Variants in SUCLG2 observed in about 807,000 individuals in gnomAD.
SUCLG2 encodes succinate--CoA ligase [GDP-forming] subunit beta, mitochondrial.
In SUCLG2, 42 loss-of-function variants were observed where a neutral mutation model predicts 47.9. The observed-to-expected ratio is 0.88, with a 90% CI of 0.69 to 1.14. The LOEUF is 1.14. Among genes scored for constraint, SUCLG2 ranks in the 50% most tolerant of loss-of-function variants. The pLI, the probability that SUCLG2 is intolerant of heterozygous loss-of-function variation, is 0.00. For synonymous variants in SUCLG2, 195 were observed against 197.3 expected, an observed-to-expected ratio of 0.99 and a Z score of 0.10; for missense variants, 571 against 525.9, an observed-to-expected ratio of 1.09 and a Z score of -0.84.
At chr3:67,487,732 T>A (rs1342547568) in intron 9 of SUCLG2, among the ~76,000 whole-genome samples, 2 of 152,216 alleles carry the variant, frequency 1.3e-5, no homozygotes, top group African/African-American at 4.8e-5. Context: ...AACTCACTGA[T>A]GTTAGCCCTC....
chr3:67,495,176 T>C (rs562550923), intron 9 of SUCLG2, among the ~76,000 whole-genome samples: 3 of 152,210 alleles, frequency 2.0e-5, no homozygotes, highest in Non-Finnish European at 4.4e-5. Context: ...CATGTAAGCA[T>C]AGGACCAGTC....
chr3:67,507,133 C>G (rs755921275), intron 7 of SUCLG2, among the ~76,000 whole-genome samples: 1 of 152,132 alleles, frequency 6.6e-6, no homozygotes, highest in Non-Finnish European at 1.5e-5. Context: ...CATATAAGCT[C>G]AAGAAACAGC....
At chr3:67,642,452 A>G (rs78404803) in intron 1 of SUCLG2, among the ~76,000 whole-genome samples, 1,783 of 152,212 alleles carry the variant, frequency 0.012, 39 homozygotes, top group African/African-American at 0.04. Context: ...AAAATTTAAA[A>G]AAAAAAAATT....
chr3:67,377,165 G>A (rs751804278), intron 10 of SUCLG2, among the ~76,000 whole-genome samples: 33 of 152,238 alleles, frequency 2.2e-4, no homozygotes, highest in Non-Finnish European at 4.3e-4. Context: ...CTGAGGCACA[G>A]AGAAGTTAAA....
intron 1 of SUCLG2, among the ~76,000 whole-genome samples, chr3:67,610,941 T>C (rs1216695448): frequency 6.6e-6 from 1 of 152,220 alleles, no homozygotes; most frequent in African/African-American, 2.4e-5. Context: ...GGGTAGAAAG[T>C]GTGCCTTAAA....
At chr3:67,552,862 T>C (rs1357897942) in intron 2 of SUCLG2, among the ~76,000 whole-genome samples, 1 of 152,242 alleles carries the variant, frequency 6.6e-6, no homozygotes, top group Non-Finnish European at 1.5e-5. Context: ...CCAAATCATT[T>C]GTAAGCTATT....
intron 2 of SUCLG2, among the ~76,000 whole-genome samples, chr3:67,597,874 G>A (rs1272395680): frequency 2.0e-5 from 3 of 151,956 alleles, no homozygotes; most frequent in Non-Finnish European, 4.4e-5. Flanking sequence ...GGAGGCAGAG[G>A]TTGCAGTCAG....
chr3:67,440,850 C>T (rs999352352), intron 9 of SUCLG2, among the ~76,000 whole-genome samples: 1 of 152,180 alleles, frequency 6.6e-6, no homozygotes, highest in Non-Finnish European at 1.5e-5. Context: ...ACTAGAAATA[C>T]CATTTGACCA....
intron 10 of SUCLG2, among the ~76,000 whole-genome samples, chr3:67,392,771 G>A (rs1305866809): frequency 6.6e-6 from 1 of 152,054 alleles, no homozygotes; most frequent in African/African-American, 2.4e-5. Flanking sequence ...CCGCTGGCAT[G>A]TTATCATGGA....
intron 1 of SUCLG2, among the ~76,000 whole-genome samples, chr3:67,639,054 T>C (rs1701054483): frequency 6.6e-6 from 1 of 152,188 alleles, no homozygotes; most frequent in African/African-American, 2.4e-5. Context: ...GGAGATCCAG[T>C]ACAGCCATGT....
At chr3:67,580,524 C>T (rs1040739048) in intron 2 of SUCLG2, among the ~76,000 whole-genome samples, 5 of 152,146 alleles carry the variant, frequency 3.3e-5, no homozygotes, top group Admixed American at 2.0e-4. Flanking sequence ...TATTCTTTCA[C>T]CCAACATTTG....
chr3:67,546,213 A>C (rs908632092), intron 2 of SUCLG2, among the ~76,000 whole-genome samples: 8 of 152,332 alleles, frequency 5.3e-5, no homozygotes, highest in African/African-American at 1.7e-4. Flanking sequence ...AAGAATACAA[A>C]ATTTTTTGAC....
At chr3:67,412,656 C>T (rs940814539) in intron 9 of SUCLG2, among the ~76,000 whole-genome samples, 1 of 152,114 alleles carries the variant, frequency 6.6e-6, no homozygotes, top group African/African-American at 2.4e-5. Context: ...GGTATCAGAG[C>T]ATCTCAAAAA....
At chr3:67,650,218 C>T (rs184058563) in intron 1 of SUCLG2, among the ~76,000 whole-genome samples, 8 of 152,152 alleles carry the variant, frequency 5.3e-5, no homozygotes, top group Non-Finnish European at 4.4e-5. Flanking sequence ...CCAATGCAGC[C>T]GCCACAGCCT....
chr3:67,597,243 T>C (rs929442760), intron 2 of SUCLG2, among the ~76,000 whole-genome samples: 6 of 152,210 alleles, frequency 3.9e-5, no homozygotes, highest in African/African-American at 1.2e-4. Context: ...ATTTCCCAAC[T>C]TCCCACCATT....
chr3:67,462,490 C>A (rs879598254), intron 9 of SUCLG2, among the ~76,000 whole-genome samples: 2 of 152,142 alleles, frequency 1.3e-5, no homozygotes, highest in African/African-American at 4.8e-5. Flanking sequence ...CATAAAAGGT[C>A]CAAGAGGATG....
intron 9 of SUCLG2, among the ~76,000 whole-genome samples, chr3:67,409,352 T>C (rs1702885404): frequency 6.6e-6 from 1 of 152,098 alleles, no homozygotes; most frequent in Non-Finnish European, 1.5e-5. Context: ...TTCTTTGAAA[T>C]TATGGCCATA....
intron 10 of SUCLG2, among the ~76,000 whole-genome samples, chr3:67,391,561 TGAGAGCAGTAATAATGC>T (rs1702383298): frequency 6.6e-6 from 1 of 152,176 alleles, no homozygotes; most frequent in South Asian, 2.1e-4. Flanking sequence ...GACCAAGAGA[TGAGAGCAGTAATAATGC>T]CTTTACCTCC....
At chr3:67,520,357 G>T in intron 5 of SUCLG2, 125 bp downstream of exon 5, 1 of 1,370,516 alleles carries the variant, frequency 7.3e-7, no homozygotes, top group Non-Finnish European at 1.0e-6. Flanking sequence ...AAAGGGCTCA[G>T]CATCTTCTTA....
Sources: gnomAD v4.1 joint callset for allele counts (sites outside exome capture counted in the v4.1 genomes callset) on GRCh38, gnomAD v4.1.1 for gene constraint, MANE v1.5 for transcripts, NCBI Gene and HGNC (gene_info 2026-07-23, HGNC 2026-07-21) for gene names.